CELF2: variants seen among roughly 807,000 people sequenced by gnomAD.
CELF2 encodes the protein CUG triplet repeat RNA-binding protein 2.
CELF2 carries 8 observed loss-of-function variants against 62.6 expected under a neutral mutation model. The observed-to-expected ratio is 0.13, with a 90% CI of 0.07 to 0.23. The LOEUF (loss-of-function observed/expected upper bound fraction) is 0.23. Ranked by LOEUF, CELF2 falls within the 10% of genes least tolerant of loss-of-function variation. The probability of loss-of-function intolerance (pLI) is 1.00; values close to 1 mark genes in which losing one functional copy is unlikely to be tolerated. For synonymous variants in CELF2, 258 were observed against 250.0 expected, an observed-to-expected ratio of 1.03 and a Z score of -0.30; for missense variants, 333 against 671.0, an observed-to-expected ratio of 0.50 and a Z score of 5.56.
At chr10:11,210,890 C>T (rs1447184364) in intron 2 of CELF2, among the ~76,000 whole-genome samples, 2 of 152,160 alleles carry the variant, frequency 1.3e-5, no homozygotes, top group Non-Finnish European at 1.5e-5. Context: ...ATCACAATAC[C>T]ACATGTACCC....
In CELF2 at chr10:10,957,306, A is replaced by G. The variant is rs865927143; in HGVS notation, c.89+37307A>G. Among the ~76,000 whole-genome samples the G allele has an allele frequency of 5.3e-5, 8 of 152,250 alleles. No individual in the cohort carries two copies. The highest frequency in any genetic ancestry group is 1.9e-4 in the African/African-American group (8 of 41,474). On this transcript the variant is annotated intron_variant, in intron 2 of 13. Coordinates refer to the CELF2 transcript ENST00000636488. The surrounding 1 kb of genome is among the most constrained non-coding windows in gnomAD (Gnocchi z 4.1). ...AAAGAAGTACATTACAGGTAATGGT[A>G]CATTAGCGCTGTGATTGAATTAACA...
chr10:10,645,784 G>C, the CELF2 span, among the ~76,000 whole-genome samples: 2 of 152,192 alleles, frequency 1.3e-5, no homozygotes, highest in Non-Finnish European at 2.9e-5. Context: ...TACTCAATAA[G>C]TTTCTTCTGA....
rs75248257 is a variant in CELF2, at chr10:11,125,856, G to A, written c.75-39630G>A. ...ATATGTCTGCTGTTTTTCAAACGGA[G>A]TAATACTCTGCGCTTACTCTAAATT... On this transcript the variant is annotated intron_variant, in intron 1 of 12. Transcript: ENST00000633077. 8.1e-3 allele frequency among the ~76,000 whole-genome samples: 1,224 copies of A among 151,886 alleles called. 16 individuals are homozygous for A. The highest frequency in any genetic ancestry group is 0.028 in the African/African-American group (1,166 of 41,434).
intron 1 of CELF2, among the ~76,000 whole-genome samples, chr10:11,121,380 C>A (rs2057705448): frequency 6.6e-6 from 1 of 152,130 alleles, no homozygotes; most frequent in African/African-American, 2.4e-5. Flanking sequence ...GATGCCAAAC[C>A]ATTAAGCAGC....
intron 2 of CELF2, among the ~76,000 whole-genome samples, chr10:11,174,830 A>C (rs902928109): frequency 6.6e-6 from 1 of 152,194 alleles, no homozygotes; most frequent in African/African-American, 2.4e-5. Flanking sequence ...ATCCTTCCCA[A>C]ACTACTATAG....
chr10:11,281,550 C>T (rs2088764744), intron 8 of CELF2, among the ~76,000 whole-genome samples: 1 of 152,062 alleles, frequency 6.6e-6, no homozygotes. Flanking sequence ...TCACTTGAGC[C>T]CCGGAGTTCC....
chr10:10,932,206 A>G lies in CELF2; in HGVS notation c.89+12207A>G, dbSNP rs147370910. ...CCCTTAAGAACCAAAAGATTCTACT[A>G]AAAAAATCCAACTCATAGAAGCAGA... On this transcript the variant is annotated intron_variant, in intron 2 of 13. Coordinates refer to the CELF2 transcript ENST00000636488. Among the ~76,000 whole-genome samples the G allele has an allele frequency of 6.0e-3, 915 of 152,162 alleles. 10 individuals are homozygous for G. Among genetic ancestry groups the G allele is most frequent in the African/African-American group, 0.021 (861 of 41,542 alleles).
chr10:10,825,815 G>T (rs2057345139), intron 1 of CELF2, among the ~76,000 whole-genome samples: 1 of 152,172 alleles, frequency 6.6e-6, no homozygotes, highest in South Asian at 2.1e-4. Context: ...TCTGCAAAAT[G>T]ATAAAATTAG....
In CELF2 at chr10:11,012,597, C is replaced by T. The variant is rs1050468936; in HGVS notation, c.53+7157C>T. Reference sequence around the variant, plus strand: ...TGTTACGCCTGCAACTGTGTCCTCCCAGCTGTTGCTGTTCAGCTGTTGTAG... The same window carrying T: ...TGTTACGCCTGCAACTGTGTCCTCCTAGCTGTTGCTGTTCAGCTGTTGTAG... On this transcript the variant is annotated intron_variant, in intron 1 of 12. Coordinates refer to the CELF2 transcript ENST00000416382. The surrounding 1 kb of genome is among the most constrained non-coding windows in gnomAD (Gnocchi z 5.5). Among the ~76,000 whole-genome samples, 10 of 152,180 alleles carry T rather than the reference C, an allele frequency of 6.6e-5. No homozygotes were observed. The highest frequency in any genetic ancestry group is 6.5e-4 in the Admixed American group (10 of 15,286).
At chr10:10,537,941 G>T in the CELF2 span, among the ~76,000 whole-genome samples, 2 of 152,186 alleles carry the variant, frequency 1.3e-5, no homozygotes, top group South Asian at 4.1e-4. Flanking sequence ...GCCTGATTAG[G>T]AAGGGTGCAG....
At position 11,316,399 on chromosome 10, in the gene CELF2, G is replaced by GC. The variant is rs2094984786; in HGVS notation, c.1096+2142dup. Among the ~76,000 whole-genome samples, 1 of 152,220 alleles carries GC rather than the reference G, an allele frequency of 6.6e-6. No individual in the cohort carries two copies. Among genetic ancestry groups the GC allele is most frequent in the South Asian group, 2.1e-4 (1 of 4,826 alleles). Reference sequence around the variant, plus strand: ...ATGCAGAGCCGTTTTACAATCTCCAGCATTGACCTCGAGCTAATATTTGCT... The same window carrying GC: ...ATGCAGAGCCGTTTTACAATCTCCAGCCATTGACCTCGAGCTAATATTTGCT... On this transcript the variant is annotated intron_variant, in intron 10 of 12. Transcript: ENST00000633077. This position sits in a 1 kb window ranked among gnomAD's most constrained non-coding sequence, Gnocchi z 4.4.
chr10:10,905,812 A>G (rs1045185787), intron 1 of CELF2, among the ~76,000 whole-genome samples: 1 of 151,790 alleles, frequency 6.6e-6, no homozygotes, highest in Admixed American at 6.6e-5. Context: ...CAGGAGGCGG[A>G]GCTTGCAGTG....
At chr10:10,753,554 T>C in the CELF2 span, among the ~76,000 whole-genome samples, 6 of 152,128 alleles carry the variant, frequency 3.9e-5, no homozygotes, top group South Asian at 2.1e-4. Flanking sequence ...AGACCAGAAA[T>C]GTATCCAAGG....
chr10:10,648,869 T>C, the CELF2 span, among the ~76,000 whole-genome samples: 7 of 152,112 alleles, frequency 4.6e-5, no homozygotes, highest in African/African-American at 7.2e-5. Flanking sequence ...CTGCATTCCA[T>C]TGGGTTCAAT....
chr10:11,057,863 T>G (rs549697610), intron 1 of CELF2, among the ~76,000 whole-genome samples: 1 of 152,344 alleles, frequency 6.6e-6, no homozygotes, highest in East Asian at 1.9e-4. Flanking sequence ...TTCTGACATT[T>G]GCTAGCGGTC....
At chr10:10,838,086 G>A (rs1290139843) in intron 1 of CELF2, among the ~76,000 whole-genome samples, 5 of 152,046 alleles carry the variant, frequency 3.3e-5, no homozygotes, top group Admixed American at 6.6e-5. Flanking sequence ...ACGTTTCCTT[G>A]GGTTCTTCTT....
intron 2 of CELF2, among the ~76,000 whole-genome samples, chr10:10,973,945 T>G (rs1439303805): frequency 6.6e-6 from 1 of 152,182 alleles, no homozygotes; most frequent in Non-Finnish European, 1.5e-5. Context: ...CAACTCCATT[T>G]TTGGTACCTT....
At chr10:11,166,347 T>A (rs1358161242) in intron 2 of CELF2, among the ~76,000 whole-genome samples, 1 of 152,144 alleles carries the variant, frequency 6.6e-6, no homozygotes, top group Non-Finnish European at 1.5e-5. Context: ...TAGGATCTGG[T>A]AGTTGTTACT....
At chr10:11,056,597 G>T (rs1162705928) in intron 1 of CELF2, among the ~76,000 whole-genome samples, 1 of 152,230 alleles carries the variant, frequency 6.6e-6, no homozygotes, top group African/African-American at 2.4e-5. Flanking sequence ...AATCGTATAA[G>T]AAGGGAGTCA....
Sources: gnomAD v4.1 joint callset for allele counts (sites outside exome capture counted in the v4.1 genomes callset) on GRCh38, gnomAD v4.1.1 for gene constraint, Gnocchi (gnomAD v3.1) non-coding constraint, MANE v1.5 for transcripts, NCBI Gene and HGNC (gene_info 2026-07-23, HGNC 2026-07-21) for gene names.